The following PPP2R5E variants were observed in gnomAD, a reference collection of about 807,000 sequenced individuals.
PPP2R5E encodes the protein protein phosphatase 2 regulatory subunit B'epsilon, also known as serine/threonine-protein phosphatase 2A 56 kDa regulatory subunit epsilon isoform.
A neutral mutation model predicts 65.3 loss-of-function variants in PPP2R5E; 4 were observed. The ratio of observed to expected loss-of-function variants is 0.06; its 90% confidence interval spans 0.03 to 0.14. PPP2R5E has a LOEUF of 0.14. PPP2R5E is among the 10% of genes least tolerant of loss of function. The pLI is 1.00. For missense variants in PPP2R5E, 274 were observed against 556.1 expected, an observed-to-expected ratio of 0.49 and a Z score of 5.10; for synonymous variants, 183 against 187.4, an observed-to-expected ratio of 0.98 and a Z score of 0.19.
chr14:63,518,785 TATAA>T (rs1355851498), intron 2 of PPP2R5E, among the ~76,000 whole-genome samples: 2 of 152,128 alleles, frequency 1.3e-5, no homozygotes, highest in Non-Finnish European at 2.9e-5. Flanking sequence ...ATAATGTTAT[TATAA>T]ATAATCACAT....
At chr14:63,510,664 AGGAG>A (rs1892414269) in intron 2 of PPP2R5E, among the ~76,000 whole-genome samples, 1 of 152,254 alleles carries the variant, frequency 6.6e-6, no homozygotes, top group Admixed American at 6.5e-5. Context: ...AGAAACAGCA[AGGAG>A]GGAGTGTGGC....
At chr14:63,499,226 A>G (rs1255627) in intron 2 of PPP2R5E, among the ~76,000 whole-genome samples, 49,632 of 151,958 alleles carry the variant, frequency 0.33, 12,176 homozygotes, top group African/African-American at 0.69. Context: ...CCTTAATACA[A>G]TTTTGAACAT....
intron 2 of PPP2R5E, among the ~76,000 whole-genome samples, chr14:63,519,390 A>C (rs1344400569): frequency 6.6e-6 from 1 of 150,392 alleles, no homozygotes; most frequent in Non-Finnish European, 1.5e-5. Flanking sequence ...TTGTTCTGTC[A>C]CCCAGGCTGG....
At chr14:63,434,062 G>A (rs1375713403) in intron 3 of PPP2R5E, among the ~76,000 whole-genome samples, 1 of 152,042 alleles carries the variant, frequency 6.6e-6, no homozygotes, top group African/African-American at 2.4e-5. Flanking sequence ...AGATTTTAGG[G>A]AATAAAAGTA....
chr14:63,538,517 T>C (rs1566770121), intron 2 of PPP2R5E, among the ~76,000 whole-genome samples: 1 of 151,422 alleles, frequency 6.6e-6, no homozygotes, highest in Non-Finnish European at 1.5e-5. Context: ...GCTCCCAAAG[T>C]GCTGGGATTA....
At chr14:63,430,419 A>C (rs1428872741) in intron 3 of PPP2R5E, among the ~76,000 whole-genome samples, 3 of 150,568 alleles carry the variant, frequency 2.0e-5, no homozygotes, top group Admixed American at 6.6e-5. Flanking sequence ...ACATACATAC[A>C]TGCATACATA....
At chr14:63,437,881 T>G (rs1484017072) in intron 3 of PPP2R5E, among the ~76,000 whole-genome samples, 1 of 152,184 alleles carries the variant, frequency 6.6e-6, no homozygotes, top group South Asian at 2.1e-4. Flanking sequence ...TGTCTTTCCT[T>G]GTGTGTGCCA....
intron 2 of PPP2R5E, among the ~76,000 whole-genome samples, chr14:63,456,370 T>A (rs1210483917): frequency 2.0e-5 from 3 of 152,248 alleles, no homozygotes; most frequent in African/African-American, 7.2e-5. Flanking sequence ...TTAGTCCTAT[T>A]TTTTAATGTT....
chr14:63,401,963 A>C (rs1206729914), intron 5 of PPP2R5E, among the ~76,000 whole-genome samples: 1 of 151,504 alleles, frequency 6.6e-6, no homozygotes, highest in Non-Finnish European at 1.5e-5. Context: ...GGACTGGTTG[A>C]AAGTCTGTAG....
intron 4 of PPP2R5E, among the ~76,000 whole-genome samples, chr14:63,421,462 C>T (rs1249536796): frequency 1.3e-5 from 2 of 152,208 alleles, no homozygotes; most frequent in East Asian, 3.8e-4. Context: ...CTTCTCAGTG[C>T]AAGAGAACAG....
chr14:63,541,995 G>T (rs1311845294), intron 1 of PPP2R5E, among the ~76,000 whole-genome samples: 2 of 152,060 alleles, frequency 1.3e-5, no homozygotes, highest in Non-Finnish European at 2.9e-5. Context: ...TAAATTTAGG[G>T]GCCGATTTTC....
chr14:63,383,552 A>C (rs1025658340), intron 12 of PPP2R5E, among the ~76,000 whole-genome samples: 1 of 152,214 alleles, frequency 6.6e-6, no homozygotes, highest in Non-Finnish European at 1.5e-5. Flanking sequence ...ACTGTTTATC[A>C]GCTCCTTATT....
chr14:63,525,865 G>A (rs1254609896), intron 2 of PPP2R5E, among the ~76,000 whole-genome samples: 4 of 152,134 alleles, frequency 2.6e-5, no homozygotes, highest in Non-Finnish European at 5.9e-5. Context: ...AGTTCTTCCT[G>A]TCTTTTTTTT....
chr14:63,453,488 TAGTTAA>T (rs1888964144), intron 3 of PPP2R5E, 195 bp downstream of exon 3: 1 of 430,090 alleles, frequency 2.3e-6, no homozygotes, highest in Non-Finnish European at 4.1e-6. Context: ...AGCACTGTCG[TAGTTAA>T]AGTTCTGGAT....
At chr14:63,477,569 A>C (rs1890470958) in intron 2 of PPP2R5E, among the ~76,000 whole-genome samples, 1 of 152,030 alleles carries the variant, frequency 6.6e-6, no homozygotes, top group Admixed American at 6.5e-5. Context: ...AGGAGAGGAG[A>C]AGAGGGAATA....
At chr14:63,400,427 T>C (rs949944292) in intron 5 of PPP2R5E, among the ~76,000 whole-genome samples, 5 of 152,200 alleles carry the variant, frequency 3.3e-5, no homozygotes, top group African/African-American at 1.2e-4. Flanking sequence ...AGAAGTGGGA[T>C]ATGAGTGCTC....
chr14:63,391,893 T>C, intron 9 of PPP2R5E, 26 bp from the exon 10 acceptor site: 1 of 1,612,154 alleles, frequency 6.2e-7, no homozygotes. Flanking sequence ...GAAAAACAAA[T>C]GGCATTTAAC....
chr14:63,505,515 T>C (rs377258768), intron 2 of PPP2R5E, among the ~76,000 whole-genome samples: 1 of 152,134 alleles, frequency 6.6e-6, no homozygotes, highest in Non-Finnish European at 1.5e-5. Flanking sequence ...CCCCACCCCT[T>C]CTCCACACTA....
chr14:63,399,604 G>T (rs1885630328), intron 5 of PPP2R5E, among the ~76,000 whole-genome samples: 1 of 151,656 alleles, frequency 6.6e-6, no homozygotes, highest in Non-Finnish European at 1.5e-5. Context: ...CACTAAATTG[G>T]AAACTTTAAA....
Sources: allele counts gnomAD v4.1 joint callset (sites outside exome capture counted in the v4.1 genomes callset), GRCh38; gene constraint gnomAD v4.1.1; transcripts MANE v1.5; gene names NCBI Gene and HGNC (gene_info 2026-07-23, HGNC 2026-07-21).